Variants in CALN1 observed in about 807,000 individuals in gnomAD.
The protein encoded by CALN1 is calcium-binding protein 8.
Under a neutral mutation model 30.6 loss-of-function variants are expected in CALN1, and 17 were observed. The ratio of observed to expected loss-of-function variants is 0.56; its 90% CI spans 0.38 to 0.83. CALN1 has a LOEUF of 0.83. Among genes scored for constraint, CALN1 ranks in the 40% least tolerant of loss-of-function variants. CALN1 has a pLI of 0.00. For missense variants in CALN1, 291 were observed against 354.9 expected (o/e 0.82, Z 1.45); for synonymous variants, 156 against 131.4 (o/e 1.19, Z -1.28).
intron 3 of CALN1, among the ~76,000 whole-genome samples, chr7:72,192,366 T>C (rs1388651267): frequency 6.6e-6 from 1 of 152,128 alleles, no homozygotes; most frequent in African/African-American, 2.4e-5. Context: ...AACACAGTAA[T>C]ATATTCACAG....
At chr7:72,481,213 A>G in the CALN1 span, among the ~76,000 whole-genome samples, 2 of 152,190 alleles carry the variant, frequency 1.3e-5, no homozygotes, top group Middle Eastern at 3.4e-3. Context: ...CGGCCTCCCA[A>G]AGTGCTGGGA....
At chr7:72,283,158 T>C (rs912553882) in intron 2 of CALN1, among the ~76,000 whole-genome samples, 6 of 152,188 alleles carry the variant, frequency 3.9e-5, no homozygotes, top group African/African-American at 1.4e-4. Flanking sequence ...GTTTGACCTC[T>C]GTAAGCCTGT....
chr7:72,373,835 G>C (rs1320776153), intron 2 of CALN1, among the ~76,000 whole-genome samples: 2 of 152,146 alleles, frequency 1.3e-5, no homozygotes, highest in African/African-American at 4.8e-5. Flanking sequence ...AAACTGATGA[G>C]AATTAAGATA....
intron 5 of CALN1, among the ~76,000 whole-genome samples, chr7:71,883,879 T>A (rs1386347473): frequency 1.3e-5 from 2 of 152,178 alleles, no homozygotes; most frequent in Admixed American, 1.3e-4. Context: ...CTCCATTAAA[T>A]GTTTCCTCCT....
intron 5 of CALN1, among the ~76,000 whole-genome samples, chr7:72,009,154 C>T (rs577943928): frequency 6.6e-6 from 1 of 152,164 alleles, no homozygotes; most frequent in African/African-American, 2.4e-5. Flanking sequence ...AGCCTAAAGT[C>T]AAAGTTATAA....
At chr7:71,826,164 A>G (rs1340199359) in intron 5 of CALN1, among the ~76,000 whole-genome samples, 1 of 151,982 alleles carries the variant, frequency 6.6e-6, no homozygotes. Flanking sequence ...ACAGGAGGAC[A>G]GAGAGAAAAG....
chr7:72,495,059 T>G, the CALN1 span, among the ~76,000 whole-genome samples: 1 of 152,090 alleles, frequency 6.6e-6, no homozygotes, highest in Non-Finnish European at 1.5e-5. Flanking sequence ...CACAGCCAGC[T>G]CAATCCAATG....
In CALN1 at chr7:71,988,655, C is replaced by T. The variant is rs539822078; in HGVS notation, c.501+35002G>A. Among the ~76,000 whole-genome samples, 12 of 152,178 alleles carry T rather than the reference C, an allele frequency of 7.9e-5. No individual in the cohort carries two copies. The South Asian group carries it at 2.3e-3, about 29-fold the overall frequency. On this transcript the variant is annotated intron_variant, in intron 5 of 6. Transcript: ENST00000395275. Reference sequence around the variant, plus strand: ...TCTGGGAAATTAGGAGAAGTCTCCACGTATGAGACGCTAAAAGCAGGGCCC... The same window carrying T: ...TCTGGGAAATTAGGAGAAGTCTCCATGTATGAGACGCTAAAAGCAGGGCCC...
chr7:72,353,618 C>T (rs762134178), intron 2 of CALN1, among the ~76,000 whole-genome samples: 1 of 152,120 alleles, frequency 6.6e-6, no homozygotes, highest in Non-Finnish European at 1.5e-5. Flanking sequence ...GCTAACATCA[C>T]ACAAAATGGT....
At chr7:72,126,994 A>T (rs1440726328) in intron 3 of CALN1, among the ~76,000 whole-genome samples, 2 of 152,006 alleles carry the variant, frequency 1.3e-5, no homozygotes, top group African/African-American at 2.4e-5. Flanking sequence ...TATATAAATA[A>T]AATTTTAAAA....
At chr7:72,104,267 C>T (rs1806917207) in intron 4 of CALN1, 1 of 152,236 alleles carries the variant, frequency 6.6e-6, no homozygotes. Context: ...AACTGCTACC[C>T]ATTGACCAGT....
chr7:72,357,634 G>A (rs1184765138), intron 2 of CALN1, among the ~76,000 whole-genome samples: 2 of 151,442 alleles, frequency 1.3e-5, no homozygotes, highest in South Asian at 2.1e-4. Context: ...CTACAAAAGC[G>A]AGGCCCAGAC....
At chr7:71,816,745 C>T (rs1481165216) in intron 5 of CALN1, among the ~76,000 whole-genome samples, 1 of 151,790 alleles carries the variant, frequency 6.6e-6, no homozygotes, top group African/African-American at 2.4e-5. Context: ...GTCAGGAGTT[C>T]GATCACGAGG....
In CALN1 at chr7:72,053,024, GT is replaced by G. The variant is rs1802938736; in HGVS notation, c.389-29256del. On this transcript the variant is annotated intron_variant, in intron 4 of 6. Transcript: ENST00000395275. ...GAGGGAGGATCACCTGAGGACAGGA[GT>G]TCAAGACCAGCCTGGCCAATATGGT... Among the ~76,000 whole-genome samples, 3 of 152,226 alleles carry G rather than the reference GT, an allele frequency of 2.0e-5. No individual in the cohort carries two copies. The South Asian group carries it at 6.2e-4, about 32-fold the overall frequency.
chr7:72,143,465 TG>T (rs1810107970), intron 3 of CALN1, among the ~76,000 whole-genome samples: 1 of 152,116 alleles, frequency 6.6e-6, no homozygotes, highest in Non-Finnish European at 1.5e-5. Flanking sequence ...CCAAAAAATA[TG>T]GGACTATGTG....
At chr7:72,140,356 G>GAGGC (rs1809830007) in intron 3 of CALN1, among the ~76,000 whole-genome samples, 1 of 64,752 alleles carries the variant, frequency 1.5e-5, no homozygotes, top group Non-Finnish European at 2.6e-5. Flanking sequence ...GGGAGGGAGG[G>GAGGC]AGGGAGGGAG....
chr7:72,005,571 A>G (rs756815627), intron 5 of CALN1, among the ~76,000 whole-genome samples: 2 of 152,020 alleles, frequency 1.3e-5, no homozygotes, highest in East Asian at 3.9e-4. Context: ...GGCTCAAGCA[A>G]TCCCCCCACC....
intron 3 of CALN1, among the ~76,000 whole-genome samples, chr7:72,212,727 TC>T (rs1363082165): frequency 6.6e-6 from 1 of 151,962 alleles, no homozygotes; most frequent in Non-Finnish European, 1.5e-5. Context: ...GGCTGGAGGA[TC>T]ACTTGAACCC....
chr7:72,251,055 G>A (rs1795520541), intron 3 of CALN1, among the ~76,000 whole-genome samples: 2 of 152,036 alleles, frequency 1.3e-5, no homozygotes, highest in South Asian at 4.2e-4. Context: ...CAATCATCTT[G>A]GAGCTGAGGC....
Sources: gnomAD v4.1 joint callset for allele counts (sites outside exome capture counted in the v4.1 genomes callset) on GRCh38, gnomAD v4.1.1 for gene constraint, MANE v1.5 for transcripts, NCBI Gene and HGNC (gene_info 2026-07-23, HGNC 2026-07-21) for gene names.